The following ASCC3 variants were observed in gnomAD, a reference collection of about 807,000 sequenced individuals.
ASCC3 encodes ASC-1 complex subunit P200.
ASCC3 carries 158 observed loss-of-function variants against 256.3 expected under a neutral mutation model. That is an observed-to-expected ratio of 0.62 (90% confidence interval 0.54 to 0.70). ASCC3 has a LOEUF of 0.70. Among genes scored for constraint, ASCC3 ranks in the 30% least tolerant of loss-of-function variants. The pLI is 0.00. For synonymous variants in ASCC3, 948 were observed against 883.4 expected (o/e 1.07, Z -1.30); for missense variants, 2,259 against 2,626.0 (o/e 0.86, Z 3.05).
chr6:100,723,702 G>C (rs1348647270), intron 11 of ASCC3, among the ~76,000 whole-genome samples: 1 of 150,616 alleles, frequency 6.6e-6, no homozygotes, highest in Non-Finnish European at 1.5e-5. Context: ...ATGACTCCCA[G>C]GGTTTTGGCT....
At chr6:100,555,504 C>A (rs1769527774) in intron 36 of ASCC3, among the ~76,000 whole-genome samples, 1 of 152,054 alleles carries the variant, frequency 6.6e-6, no homozygotes, top group Non-Finnish European at 1.5e-5. Flanking sequence ...TGGTTGACAG[C>A]TGGAATTTAA....
At chr6:100,767,385 T>C (rs1582832582) in intron 8 of ASCC3, 40 bp from the exon 9 acceptor site, 3 of 1,560,870 alleles carry the variant, frequency 1.9e-6, no homozygotes, top group East Asian at 2.2e-5. Flanking sequence ...ATAGTAACAA[T>C]GTGAAGGACC....
intron 1 of ASCC3, among the ~76,000 whole-genome samples, chr6:100,871,685 G>C (rs1326412516): frequency 4.6e-5 from 7 of 152,166 alleles, no homozygotes; most frequent in African/African-American, 1.7e-4. Flanking sequence ...AGAATTGCTT[G>C]AGCCCGGAAG....
At chr6:100,626,921 G>A (rs905905468) in intron 29 of ASCC3, among the ~76,000 whole-genome samples, 38 of 152,098 alleles carry the variant, frequency 2.5e-4, no homozygotes, top group African/African-American at 9.2e-4. Context: ...CTGTGGAGGT[G>A]TAAATAATCT....
intron 34 of ASCC3, among the ~76,000 whole-genome samples, chr6:100,598,029 G>A: frequency 6.6e-6 from 1 of 150,760 alleles, no homozygotes; most frequent in East Asian, 1.9e-4. Context: ...ATCAGTTGAA[G>A]CTACATTTAT....
chr6:100,581,041 T>C (rs890568842), intron 36 of ASCC3, among the ~76,000 whole-genome samples: 4 of 152,104 alleles, frequency 2.6e-5, no homozygotes, highest in Non-Finnish European at 5.9e-5. Context: ...GCAATAAACA[T>C]ACGTGTGCAT....
Position 100,868,035 on chromosome 6 carries a change from G to GA in ASCC3, c.-39dup. 6.9e-7 allele frequency: 1 copy of GA among 1,450,664 alleles called. No homozygotes were observed. Among genetic ancestry groups the GA allele is most frequent in the Admixed American group, 1.7e-5 (1 of 59,022 alleles). 89.9% of individuals were successfully genotyped at this position (1,450,664 alleles called of 1,614,324 possible). ...CAGTGATCCATACAGCAAGAAACCTGAAACTGAAACAAAACAAGATGATAT... is the reference window on the plus strand; with the variant it reads ...CAGTGATCCATACAGCAAGAAACCTGAAAACTGAAACAAAACAAGATGATAT... On this transcript the variant is annotated 5_prime_UTR_variant, in exon 2 of 42. Coordinates refer to ENST00000369162, the MANE Select transcript of ASCC3 (RefSeq NM_006828.4).
At chr6:100,761,115 A>C (rs1281155674) in intron 10 of ASCC3, among the ~76,000 whole-genome samples, 1 of 152,210 alleles carries the variant, frequency 6.6e-6, no homozygotes, top group African/African-American at 2.4e-5. Flanking sequence ...ATTAACTATA[A>C]GAGAACAATA....
chr6:100,615,630 G>A (rs919155081), intron 30 of ASCC3, among the ~76,000 whole-genome samples: 1 of 152,166 alleles, frequency 6.6e-6, no homozygotes, highest in African/African-American at 2.4e-5. Context: ...ACTTAGTTTA[G>A]TAAAAGTAAA....
rs1420488735 is a variant in ASCC3 at position 100,767,126 on chromosome 6, G to A, written c.1596+19C>T. The A allele has an allele frequency of 1.9e-6, 3 of 1,605,326 alleles. No homozygotes were observed. Among genetic ancestry groups the A allele is most frequent in the Non-Finnish European group, 2.6e-6 (3 of 1,172,284 alleles). On this transcript the variant is annotated intron_variant, in intron 9 of 41. Coordinates refer to ENST00000369162, the MANE Select transcript of ASCC3 (RefSeq NM_006828.4). ...ATTCCTTACAATTTAAAAAGCTGTT[G>A]TCTGATTTATTTACTTACCTTAAAT...
At chr6:100,604,951 G>T (rs1025891111) in intron 33 of ASCC3, among the ~76,000 whole-genome samples, 4 of 152,138 alleles carry the variant, frequency 2.6e-5, no homozygotes, top group Non-Finnish European at 5.9e-5. Context: ...AGGAAGAAAG[G>T]TTATTTTCAG....
Position 100,509,389 on chromosome 6 carries a change from C to A in ASCC3, c.6606G>T (p.Lys2202Asn). 1 of 1,614,140 alleles carries A rather than the reference C, an allele frequency of 6.2e-7. No individual in the cohort carries two copies. Among genetic ancestry groups the A allele is most frequent in the Non-Finnish European group, 8.5e-7 (1 of 1,180,002 alleles). The change falls in exon 42 of 42, where the codon AAG becomes AAT. Residue 2202 changes from lysine (K) to asparagine (N), a missense_variant. This residue lies in a region of ASCC3 where 1,839 missense variants were observed against 2,206.7 expected (regional missense o/e 0.83). Transcript: ENST00000369162. Reference sequence around the variant, plus strand: ...CAAATGGATTGTTCAGGTCAAGTTACTTTAATGCCAGGTCAGTCAGGGAAT... The same window carrying A: ...CAAATGGATTGTTCAGGTCAAGTTAATTTAATGCCAGGTCAGTCAGGGAAT... Reference protein sequence around the residue: ...VSDSLTDLALK With the variant: ...VSDSLTDLALN
At chr6:100,763,144 T>C (rs1016877614) in intron 10 of ASCC3, among the ~76,000 whole-genome samples, 1 of 152,226 alleles carries the variant, frequency 6.6e-6, no homozygotes, top group Non-Finnish European at 1.5e-5. Flanking sequence ...TCTGCTTTGC[T>C]TTCTCTATAG....
chr6:100,600,943 G>A (rs1250782821), intron 34 of ASCC3, among the ~76,000 whole-genome samples: 2 of 152,078 alleles, frequency 1.3e-5, no homozygotes, highest in Non-Finnish European at 2.9e-5. Flanking sequence ...ACAGCATAAA[G>A]GCCTTGTAGC....
At chr6:100,578,961 C>T (rs759822201) in intron 36 of ASCC3, among the ~76,000 whole-genome samples, 1 of 152,034 alleles carries the variant, frequency 6.6e-6, no homozygotes, top group Admixed American at 6.6e-5. Context: ...ATAAATGATG[C>T]CTTTTCTCTG....
intron 3 of ASCC3, among the ~76,000 whole-genome samples, chr6:100,854,398 A>G (rs974541965): frequency 6.6e-6 from 1 of 152,164 alleles, no homozygotes; most frequent in Admixed American, 6.5e-5. Context: ...ACCTTGCATT[A>G]AACAGGGAAA....
In ASCC3 at chr6:100,608,546, C is replaced by T. The variant is rs1350657015; in HGVS notation, c.4786-1458G>A. On this transcript the variant is annotated intron_variant, in intron 30 of 41. Coordinates refer to ENST00000369162, the MANE Select transcript of ASCC3 (RefSeq NM_006828.4). ...TATATATATATACTTTATATATATA[C>T]TTTATATATATATACTTTATATATA... Among the ~76,000 whole-genome samples the T allele has an allele frequency of 9.0e-3, 27 of 3,004 alleles. 1 individual carries two copies. Among genetic ancestry groups the T allele is most frequent in the South Asian group, 0.016 (1 of 64 alleles). 2.0% of individuals were successfully genotyped at this position (3,004 alleles called of 152,430 possible). A position where few individuals can be genotyped will look rare whatever the true frequency, so the allele number is the denominator to read the frequency against.
chr6:100,632,948 A>C (rs1262251341), intron 25 of ASCC3, among the ~76,000 whole-genome samples: 1 of 152,176 alleles, frequency 6.6e-6, no homozygotes, highest in Non-Finnish European at 1.5e-5. Flanking sequence ...AAAAATAAAC[A>C]AATAGGTGTA....
intron 1 of ASCC3, among the ~76,000 whole-genome samples, chr6:100,869,637 T>G (rs1696290212): frequency 6.6e-6 from 1 of 152,188 alleles, no homozygotes; most frequent in Admixed American, 6.5e-5. Flanking sequence ...ACAGACTAAG[T>G]ATAGATAATG....
Sources: allele counts gnomAD v4.1 joint callset (sites outside exome capture counted in the v4.1 genomes callset), GRCh38; gene constraint gnomAD v4.1.1; regional missense constraint gnomAD v4.1.1; transcripts MANE v1.5; gene names NCBI Gene and HGNC (gene_info 2026-07-23, HGNC 2026-07-21).